Variants in GNB5 observed in about 807,000 individuals in gnomAD.
GNB5 encodes guanine nucleotide-binding protein subunit beta-5.
In GNB5, 37 loss-of-function variants were observed where a neutral mutation model predicts 55.3. The observed-to-expected ratio is 0.67, with a 90% CI of 0.51 to 0.88. The LOEUF (loss-of-function observed/expected upper bound fraction) is 0.88, where lower values mean the gene tolerates loss of function less well. Among genes scored for constraint, GNB5 ranks in the 40% least tolerant of loss-of-function variants. The pLI is 0.00. For missense variants in GNB5, 476 were observed against 515.3 expected (o/e 0.92, Z 0.74); for synonymous variants, 219 against 198.5 (o/e 1.10, Z -0.87).
rs1390941730 is a variant in GNB5, at chr15:52,151,209, C to A, written c.376-1284G>T. Among the ~76,000 whole-genome samples, 6 of 152,206 alleles carry A rather than the reference C, an allele frequency of 3.9e-5. No individual in the cohort carries two copies. In the South Asian group the frequency reaches 1.2e-3, roughly 32 times the overall value. On this transcript the variant is annotated intron_variant, in intron 4 of 12. Coordinates refer to ENST00000261837, the MANE Select transcript of GNB5 (RefSeq NM_016194.4). Reference sequence around the variant, plus strand: ...CTTTAGCGCAGAAACTGGAGTGGGGCCACACACCTGTATCGTGGGGTCCTC... The same window carrying A: ...CTTTAGCGCAGAAACTGGAGTGGGGACACACACCTGTATCGTGGGGTCCTC...
At position 52,128,202 on chromosome 15, in the gene GNB5, G is replaced by A. The variant is rs777179734; in HGVS notation, c.906C>T (p.Asp302=). ...CAAAAACTTAGAAACATACCGTAGC[G>A]TCATCTGACCCTGAAGCAAAGGCAT... is the stretch of plus-strand genomic sequence containing the variant. ...SGDAFASGSD[D]ATCRLYDLRA... The change falls in exon 10 of 13, where the codon GAC becomes GAT. Residue 302 remains aspartate, a synonymous_variant. Coordinates refer to ENST00000261837, the MANE Select transcript of GNB5 (RefSeq NM_016194.4). 4.8e-5 allele frequency: 77 copies of A among 1,606,160 alleles called. No homozygotes were observed. Among genetic ancestry groups the A allele is most frequent in the Admixed American group, 6.7e-5 (4 of 59,984 alleles).
At chr15:52,181,912 T>G (rs1420293106) in intron 2 of GNB5, among the ~76,000 whole-genome samples, 2 of 151,846 alleles carry the variant, frequency 1.3e-5, no homozygotes, top group Admixed American at 6.6e-5. Context: ...ACAAACATGT[T>G]TATAAATGAA....
chr15:52,187,441 C>T lies in GNB5; in HGVS notation c.-18-2747G>A, dbSNP rs145840181. ...GTTCTGGAGAAGAGGAAATGAGCTG[C>T]GGACAGAGGAGCAGCTATGGGAATG... On this transcript the variant is annotated intron_variant, in intron 1 of 12. Transcript: ENST00000261837. Among the ~76,000 whole-genome samples, 16 of 152,046 alleles carry T rather than the reference C, an allele frequency of 1.1e-4. No individual in the cohort carries two copies. In the East Asian group the frequency reaches 1.4e-3, roughly 13 times the overall value.
At position 52,118,639 on chromosome 15, in the gene GNB5, TGGGA is replaced by T. The variant is rs2033190550; in HGVS notation, c.*4114_*4117del. Reference sequence around the variant, plus strand: ...ATCCCAGCACTTTGGGAGGCCAAGGTGGGAGGATCACCTGAGGTTGGGAGTTCGA... The same window carrying T: ...ATCCCAGCACTTTGGGAGGCCAAGGTGGATCACCTGAGGTTGGGAGTTCGA... On this transcript the variant is annotated 3_prime_UTR_variant, in exon 13 of 13. Coordinates refer to ENST00000261837, the MANE Select transcript of GNB5 (RefSeq NM_016194.4). 1 of 151,694 alleles carries T rather than the reference TGGGA, an allele frequency of 6.6e-6. No individual in the cohort carries two copies. The allele number at this position is 151,694 out of a possible 1,614,324, so 9.4% of individuals were successfully genotyped here.
intron 7 of GNB5, among the ~76,000 whole-genome samples, chr15:52,138,233 A>G (rs566211948): frequency 6.6e-6 from 1 of 152,074 alleles, no homozygotes; most frequent in South Asian, 2.1e-4. Context: ...AAATACAAAA[A>G]TTAGCCAGTT....
chr15:52,134,972 T>A (rs1435904149), intron 8 of GNB5, among the ~76,000 whole-genome samples: 1 of 151,972 alleles, frequency 6.6e-6, no homozygotes, highest in African/African-American at 2.4e-5. Context: ...TATGGCCAAC[T>A]TATAGCGGAT....
At chr15:52,147,292 T>A in intron 6 of GNB5, 167 bp downstream of exon 6, 1 of 526,880 alleles carries the variant, frequency 1.9e-6, no homozygotes, top group East Asian at 4.1e-5. Flanking sequence ...CAGGCACCAC[T>A]GTGCTGGCTT....
At chr15:52,162,944 G>C (rs1008014954) in intron 3 of GNB5, 1 of 152,204 alleles carries the variant, frequency 6.6e-6, no homozygotes, top group Non-Finnish European at 1.5e-5. Context: ...CGTGGAGAAC[G>C]GAATGGCGAG....
chr15:52,117,405 A>T lies in GNB5; in HGVS notation c.*5352T>A, dbSNP rs1481152301. 2 of 152,044 alleles carry T rather than the reference A, an allele frequency of 1.3e-5. No homozygotes were observed. The highest frequency in any genetic ancestry group is 4.8e-5 in the African/African-American group (2 of 41,382). The allele number at this position is 152,044 out of a possible 1,614,324, so 9.4% of individuals were successfully genotyped here. On this transcript the variant is annotated 3_prime_UTR_variant, in exon 13 of 13. Transcript: ENST00000261837. ...GCTACTTGAAAATACACAGTAAATT[A>T]TTGTTAGCGATAGTCACCCTACAGT...
chr15:52,137,715 A>T, intron 7 of GNB5: 1 of 1,185,348 alleles, frequency 8.4e-7, no homozygotes, highest in Non-Finnish European at 1.1e-6. Context: ...GGATTGGGAG[A>T]AAGGCAGTGA....
chr15:52,154,766 C>G (rs368919010), intron 3 of GNB5, among the ~76,000 whole-genome samples: 1 of 152,194 alleles, frequency 6.6e-6, no homozygotes, highest in Non-Finnish European at 1.5e-5. Context: ...AAACTGCACA[C>G]CTGTGAGTTT....
chr15:52,182,062 C>G (rs939475466), intron 2 of GNB5, among the ~76,000 whole-genome samples: 1 of 152,228 alleles, frequency 6.6e-6, no homozygotes, highest in Admixed American at 6.5e-5. Context: ...CAAATCCTGG[C>G]TCTGCTCTGT....
At chr15:52,159,951 CTT>C (rs1194780716) in intron 3 of GNB5, among the ~76,000 whole-genome samples, 22 of 142,386 alleles carry the variant, frequency 1.5e-4, no homozygotes, top group African/African-American at 1.5e-4. Flanking sequence ...AAATTAGCTT[CTT>C]TTTTTTTTTT....
Position 52,131,014 on chromosome 15 carries a change from C to T in GNB5, c.863+2364G>A, listed in dbSNP as rs140346893. On this transcript the variant is annotated intron_variant, in intron 9 of 12. Coordinates refer to ENST00000261837, the MANE Select transcript of GNB5 (RefSeq NM_016194.4). ...CTAATTTTTGTATTTTTGGTAGAGA[C>T]GGGGTTTCACCATGTTGGCCAGGCT... Among the ~76,000 whole-genome samples the T allele has an allele frequency of 9.2e-5, 14 of 152,158 alleles. No homozygotes were observed. In the East Asian group the frequency reaches 2.5e-3, roughly 27 times the overall value.
chr15:52,191,112 AATTTGAAAT>A (rs1566953892), intron 1 of GNB5, among the ~76,000 whole-genome samples: 2 of 152,212 alleles, frequency 1.3e-5, no homozygotes, highest in African/African-American at 4.8e-5. Context: ...GAAATATTTC[AATTTGAAAT>A]ATTTGAAATT....
At chr15:52,123,239 A>C (rs2033320200) in intron 12 of GNB5, among the ~76,000 whole-genome samples, 1 of 152,034 alleles carries the variant, frequency 6.6e-6, no homozygotes, top group Non-Finnish European at 1.5e-5. Context: ...TACTCAACTT[A>C]CCCTCTTTAG....
chr15:52,151,790 G>T lies in GNB5; in HGVS notation c.376-1865C>A, dbSNP rs542222564. ...CTTATAAGAATAAGCTCTTGAAAAA[G>T]ACTAGAAAGAAGTGCTCTAAAATAA... On this transcript the variant is annotated intron_variant, in intron 4 of 12. Coordinates refer to ENST00000261837, the MANE Select transcript of GNB5 (RefSeq NM_016194.4). Among the ~76,000 whole-genome samples the T allele has an allele frequency of 9.9e-5, 15 of 152,206 alleles. 2 individuals carry two copies. In the South Asian group the frequency reaches 2.9e-3, roughly 30 times the overall value.
At chr15:52,137,644 T>C in intron 7 of GNB5, 2 of 1,142,412 alleles carry the variant, frequency 1.8e-6, no homozygotes, top group Non-Finnish European at 2.2e-6. Flanking sequence ...GGGCTGGAAT[T>C]TTACTTTTTG....
rs563584989 is a variant in GNB5 at position 52,177,025 on chromosome 15, C to A, written c.238+2743G>T. Among the ~76,000 whole-genome samples, 53 of 139,980 alleles carry A rather than the reference C, an allele frequency of 3.8e-4. 3 individuals carry two copies. The highest frequency in any genetic ancestry group is 3.7e-3 in the Admixed American group (47 of 12,740). 91.8% of individuals were successfully genotyped at this position (139,980 alleles called of 152,430 possible). Reference sequence around the variant, plus strand: ...CCCTCCTGGGGCCTCTGCCTAGCTCCTCCTTTTTTTTTTTTTTTTTTTTTT... The same window carrying A: ...CCCTCCTGGGGCCTCTGCCTAGCTCATCCTTTTTTTTTTTTTTTTTTTTTT... On this transcript the variant is annotated intron_variant, in intron 3 of 12. Coordinates refer to ENST00000261837, the MANE Select transcript of GNB5 (RefSeq NM_016194.4).
Sources: gnomAD v4.1 joint callset for allele counts (sites outside exome capture counted in the v4.1 genomes callset) on GRCh38, gnomAD v4.1.1 for gene constraint, MANE v1.5 for transcripts, NCBI Gene and HGNC (gene_info 2026-07-23, HGNC 2026-07-21) for gene names.